Variants in ABI3BP observed in about 807,000 individuals in gnomAD.
ABI3BP encodes the protein ABI family member 3 binding protein, also known as target of Nesh-SH3.
Under a neutral mutation model 268.6 loss-of-function variants are expected in ABI3BP, and 216 were observed. The ratio of observed to expected loss-of-function variants is 0.80; its 90% CI spans 0.72 to 0.90. ABI3BP has a LOEUF of 0.90. Among genes scored for constraint, ABI3BP ranks in the 40% least tolerant of loss-of-function variants. The pLI is 0.00. For synonymous variants in ABI3BP, 730 were observed against 730.0 expected (o/e 1.00, Z 0.00); for missense variants, 2,090 against 2,182.4 (o/e 0.96, Z 0.84).
At chr3:100,863,785 G>A (rs2099023268) in intron 12 of ABI3BP, 2 of 514,300 alleles carry the variant, frequency 3.9e-6, no homozygotes, top group South Asian at 5.8e-5. Flanking sequence ...TGAATTAAAA[G>A]AATCAAACAT....
At chr3:100,753,923 T>TG in intron 64 of ABI3BP, 75 bp from the exon 65 acceptor site, 1 of 1,434,468 alleles carries the variant, frequency 7.0e-7, no homozygotes, top group Non-Finnish European at 9.7e-7. Context: ...GTGAAGATGA[T>TG]GGGGGCTTAC....
chr3:100,850,356 T>C (rs1367467143), intron 16 of ABI3BP, among the ~76,000 whole-genome samples: 3 of 152,158 alleles, frequency 2.0e-5, no homozygotes, highest in East Asian at 3.8e-4. Context: ...GGAAGTAAAG[T>C]GACACAGGCC....
At chr3:100,971,682 T>TG (rs2153882909) in intron 1 of ABI3BP, among the ~76,000 whole-genome samples, 1 of 152,294 alleles carries the variant, frequency 6.6e-6, no homozygotes, top group South Asian at 2.1e-4. Flanking sequence ...ATGCCTTACA[T>TG]GGGATTATAT....
intron 9 of ABI3BP, among the ~76,000 whole-genome samples, chr3:100,873,537 C>G (rs2099131192): frequency 6.6e-6 from 1 of 152,140 alleles, no homozygotes; most frequent in Non-Finnish European, 1.5e-5. Flanking sequence ...GATGCATGCT[C>G]TTGATAACAG....
At chr3:100,879,095 C>CGATA (rs1157390884) in intron 6 of ABI3BP, among the ~76,000 whole-genome samples, 1 of 152,180 alleles carries the variant, frequency 6.6e-6, no homozygotes, top group Non-Finnish European at 1.5e-5. Flanking sequence ...CACTGCTGTG[C>CGATA]GATAGCACTC....
At chr3:100,907,943 A>G (rs1293351741) in intron 2 of ABI3BP, among the ~76,000 whole-genome samples, 1 of 151,848 alleles carries the variant, frequency 6.6e-6, no homozygotes, top group East Asian at 1.9e-4. Flanking sequence ...GTGAAACCCC[A>G]TCTCTACTAA....
chr3:100,838,407 T>C lies in ABI3BP; in HGVS notation c.2003A>G (p.Gln668Arg). The change falls in exon 25 of 68, where the codon CAG becomes CGG. Residue 668 changes from glutamine to arginine, a missense_variant. Gln to Arg is a conservative substitution (Grantham distance 43, BLOSUM62 1). Transcript: ENST00000471714. Reference sequence around the variant, plus strand: ...GCATTGAAAGTAATGATTACCAGGCTGAATTTGAGGTGCATCTGGTCTGTG... The same window carrying C: ...GCATTGAAAGTAATGATTACCAGGCCGAATTTGAGGTGCATCTGGTCTGTG... Reference protein sequence around the residue: ...TTHRPDAPQIQPGSKPPKQLL... With the variant: ...TTHRPDAPQIRPGSKPPKQLL... 1.3e-6 allele frequency: 2 copies of C among 1,535,814 alleles called. No homozygotes were observed. The highest frequency in any genetic ancestry group is 3.9e-5 in the Admixed American group (2 of 50,988).
intron 4 of ABI3BP, among the ~76,000 whole-genome samples, chr3:100,890,887 C>A (rs1371089972): frequency 6.6e-6 from 1 of 152,078 alleles, no homozygotes. Flanking sequence ...TACATGAATT[C>A]TCTTCCACTT....
At chr3:100,751,225 G>GAAAT (rs2095305179) in intron 67 of ABI3BP, among the ~76,000 whole-genome samples, 1 of 151,742 alleles carries the variant, frequency 6.6e-6, no homozygotes, top group African/African-American at 2.4e-5. Flanking sequence ...TTTTCTTAAG[G>GAAAT]AAATAAAAAT....
At chr3:100,923,306 A>G (rs771427400) in intron 2 of ABI3BP, among the ~76,000 whole-genome samples, 5 of 152,168 alleles carry the variant, frequency 3.3e-5, no homozygotes, top group Non-Finnish European at 2.9e-5. Context: ...AATATTCTAC[A>G]CAGAGTGAAG....
intron 14 of ABI3BP, among the ~76,000 whole-genome samples, chr3:100,855,302 T>G (rs1427498251): frequency 6.6e-6 from 1 of 152,236 alleles, no homozygotes; most frequent in African/African-American, 2.4e-5. Context: ...CCAATAAAAA[T>G]GCCCTGATAC....
In ABI3BP at chr3:100,765,940, A is replaced by T. The variant is rs1050519345; in HGVS notation, c.4751T>A (p.Val1584Asp). Residue 1584 changes from valine to aspartate, a missense_variant, in exon 63 of 68, where the codon GTT (valine) becomes GAT (aspartate). Transcript: ENST00000471714. Reference sequence around the variant, plus strand: ...GAATGACCCATTTTCTCTGGATATAACTTCATATTCTGTAAAGCGAAAGAA... The same window carrying T: ...GAATGACCCATTTTCTCTGGATATATCTTCATATTCTGTAAAGCGAAAGAA... ...PLNDTVTEYE[V>D]ISRENGSFSG... 1.2e-6 allele frequency: 2 copies of T among 1,608,594 alleles called. No homozygotes were observed. Among genetic ancestry groups the T allele is most frequent in the Non-Finnish European group, 1.7e-6 (2 of 1,176,190 alleles).
At chr3:100,807,059 A>G (rs2152435876) in intron 50 of ABI3BP, among the ~76,000 whole-genome samples, 1 of 152,082 alleles carries the variant, frequency 6.6e-6, no homozygotes, top group Non-Finnish European at 1.5e-5. Flanking sequence ...TTCATCTTTT[A>G]TAGTTCAACA....
Position 100,926,340 on chromosome 3 carries a change from G to A in ABI3BP, c.221C>T (p.Pro74Leu), listed in dbSNP as rs2153640039. The change falls in exon 2 of 68, where the codon CCT (proline) becomes CTT (leucine). Residue 74 changes from proline to leucine, a missense_variant. Physicochemically the swap from Pro to Leu is moderately conservative, Grantham distance 98 (BLOSUM62 -3). Coordinates refer to ENST00000471714, the MANE Select transcript of ABI3BP (RefSeq NM_001375547.2). ...TGTGAATTTCCCTTCAGCGGGAAGA[G>A]GGAAGTACTGGTTTGGTGATACATT... ...GSNVSPNQYF[P>L]LPAEGKFTEA... is the part of the protein sequence containing the mutation. 2 of 1,613,504 alleles carry A rather than the reference G, an allele frequency of 1.2e-6. No homozygotes were observed. The highest frequency in any genetic ancestry group is 2.2e-5 in the East Asian group (1 of 44,868).
chr3:100,939,823 G>A (rs2595897), intron 1 of ABI3BP, among the ~76,000 whole-genome samples: 149,707 of 152,060 alleles, frequency 0.98, 73,722 homozygotes, highest in East Asian at 1. Flanking sequence ...TGGGAGCACT[G>A]TGGGAGACTG....
intron 21 of ABI3BP, 107 bp downstream of exon 21, chr3:100,841,891 A>G: frequency 1.0e-6 from 1 of 956,602 alleles, no homozygotes; most frequent in Non-Finnish European, 1.5e-6. Context: ...GTGAAACTTC[A>G]TCTGGAGAAG....
intron 61 of ABI3BP, among the ~76,000 whole-genome samples, chr3:100,773,562 A>C (rs188495077): frequency 6.6e-6 from 1 of 152,334 alleles, no homozygotes; most frequent in African/African-American, 2.4e-5. Context: ...TGTTATATAA[A>C]CACTTATATG....
chr3:100,926,247 C>T (rs2061769445), intron 2 of ABI3BP, 55 bp downstream of exon 2: 1 of 1,563,838 alleles, frequency 6.4e-7, no homozygotes, highest in Non-Finnish European at 8.8e-7. Flanking sequence ...GGTCATGTTA[C>T]ACCCCCCCAC....
intron 3 of ABI3BP, among the ~76,000 whole-genome samples, chr3:100,901,804 C>G (rs1403315581): frequency 6.6e-6 from 1 of 151,514 alleles, no homozygotes; most frequent in African/African-American, 2.4e-5. Context: ...ATTTTGTGAT[C>G]AACTCTATAT....
Sources: allele counts gnomAD v4.1 joint callset (sites outside exome capture counted in the v4.1 genomes callset), GRCh38; gene constraint gnomAD v4.1.1; transcripts MANE v1.5; gene names NCBI Gene and HGNC (gene_info 2026-07-23, HGNC 2026-07-21).